TENM2: variants seen among roughly 807,000 people sequenced by gnomAD.
The protein encoded by TENM2 is teneurin-2.
In TENM2, 52 loss-of-function variants were observed where a neutral mutation model predicts 245.2. The ratio of observed to expected loss-of-function variants is 0.21; its 90% CI spans 0.17 to 0.27. The LOEUF is 0.27. TENM2 is among the 10% of genes least tolerant of loss of function. TENM2 has a pLI of 1.00. For synonymous variants in TENM2, 1,363 were observed against 1,438.9 expected, an observed-to-expected ratio of 0.95 and a Z score of 1.19; for missense variants, 3,046 against 3,666.8, an observed-to-expected ratio of 0.83 and a Z score of 4.37.
chr5:168,212,748 G>C (rs536395672), intron 20 of TENM2, among the ~76,000 whole-genome samples: 1 of 152,152 alleles, frequency 6.6e-6, no homozygotes, highest in African/African-American at 2.4e-5. Context: ...AAATGCCCTG[G>C]AAGGACATTT....
chr5:168,117,449 C>T (rs1795163582), intron 9 of TENM2, among the ~76,000 whole-genome samples: 1 of 152,184 alleles, frequency 6.6e-6, no homozygotes, highest in Admixed American at 6.5e-5. Flanking sequence ...ACCATGTTTT[C>T]CCTACACATG....
chr5:167,219,449 A>G, the TENM2 span, among the ~76,000 whole-genome samples: 9 of 152,238 alleles, frequency 5.9e-5, no homozygotes, highest in Non-Finnish European at 1.0e-4. Flanking sequence ...GAGGGTGATC[A>G]GACCAGTGCT....
the TENM2 span, among the ~76,000 whole-genome samples, chr5:167,064,497 G>A: frequency 6.6e-6 from 1 of 152,134 alleles, no homozygotes; most frequent in African/African-American, 2.4e-5. Flanking sequence ...TAAAAATGGA[G>A]TATTTTGGAA....
intron 4 of TENM2, among the ~76,000 whole-genome samples, 175 bp from the exon 7 acceptor site, chr5:167,992,769 A>G (rs759186212): frequency 3.0e-4 from 45 of 152,196 alleles, no homozygotes; most frequent in Non-Finnish European, 5.6e-4. Flanking sequence ...ATGCACATTT[A>G]TGGAATTAAT....
chr5:167,561,670 G>A (rs1773597109), intron 2 of TENM2, among the ~76,000 whole-genome samples: 1 of 152,164 alleles, frequency 6.6e-6, no homozygotes, highest in Non-Finnish European at 1.5e-5. Flanking sequence ...TAAGGGTGAG[G>A]AGGCGAGTGT....
intron 2 of TENM2, among the ~76,000 whole-genome samples, chr5:167,746,395 C>T (rs530472314): frequency 6.6e-6 from 1 of 152,172 alleles, no homozygotes; most frequent in African/African-American, 2.4e-5. Flanking sequence ...ATACATAGAT[C>T]GATGCAAATG....
At chr5:167,453,192 A>G (rs1765715267) in intron 2 of TENM2, among the ~76,000 whole-genome samples, 1 of 151,772 alleles carries the variant, frequency 6.6e-6, no homozygotes, top group Non-Finnish European at 1.5e-5. Context: ...TAACTGAGTA[A>G]AATAGAAAAT....
chr5:168,263,025 G>A (rs145959151), downstream of TENM2: 1,343 of 514,006 alleles, frequency 2.6e-3, 3 homozygotes, highest in Admixed American at 4.4e-3. Context: ...TGAAAATTCC[G>A]AGGAAAACAA....
At chr5:167,544,020 C>A (rs1772388969) in intron 2 of TENM2, among the ~76,000 whole-genome samples, 1 of 152,090 alleles carries the variant, frequency 6.6e-6, no homozygotes, top group Admixed American at 6.6e-5. Context: ...TACTGGGGTC[C>A]AGGACTTCAA....
intron 7 of TENM2, among the ~76,000 whole-genome samples, chr5:168,075,583 T>A (rs57002229): frequency 6.6e-6 from 1 of 152,002 alleles, no homozygotes; most frequent in Non-Finnish European, 1.5e-5. Context: ...CACTGGAGAT[T>A]AGATTTGTCT....
At chr5:167,309,786 A>G (rs1310331760) in intron 1 of TENM2, 1 of 152,170 alleles carries the variant, frequency 6.6e-6, no homozygotes, top group Non-Finnish European at 1.5e-5. Context: ...AAAGAGTCTT[A>G]TTATGCCAAT....
At chr5:167,801,833 T>C (rs1285162176) in intron 2 of TENM2, among the ~76,000 whole-genome samples, 1 of 152,026 alleles carries the variant, frequency 6.6e-6, no homozygotes, top group African/African-American at 2.4e-5. Flanking sequence ...GTAATTCAGT[T>C]GTAAGACCAG....
At chr5:167,933,303 A>G (rs1479604622) in intron 3 of TENM2, among the ~76,000 whole-genome samples, 1 of 152,218 alleles carries the variant, frequency 6.6e-6, no homozygotes, top group Non-Finnish European at 1.5e-5. Flanking sequence ...TTAAACAAAA[A>G]CTTCAGAGAT....
intron 1 of TENM2, among the ~76,000 whole-genome samples, chr5:167,329,991 A>G (rs1252860812): frequency 6.6e-6 from 1 of 152,188 alleles, no homozygotes; most frequent in Non-Finnish European, 1.5e-5. Context: ...TGGCTAAAGC[A>G]TCTAAAACTT....
chr5:167,386,059 G>T (rs1292812786), intron 2 of TENM2, among the ~76,000 whole-genome samples: 1 of 152,044 alleles, frequency 6.6e-6, no homozygotes, highest in Non-Finnish European at 1.5e-5. Flanking sequence ...GAAATTGCTG[G>T]ATCAAATTGT....
At chr5:167,050,767 A>G in the TENM2 span, among the ~76,000 whole-genome samples, 2 of 152,090 alleles carry the variant, frequency 1.3e-5, no homozygotes, top group Non-Finnish European at 2.9e-5. Flanking sequence ...CACTACCCTT[A>G]GTGAGAGTGA....
chr5:167,397,616 G>T (rs1762129951), intron 2 of TENM2, among the ~76,000 whole-genome samples: 1 of 152,132 alleles, frequency 6.6e-6, no homozygotes, highest in South Asian at 2.1e-4. Flanking sequence ...TCATGGAAGA[G>T]ATTGAGAGAA....
exon 12 of TENM2, chr5:168,126,857 C>T: frequency 6.2e-7 from 1 of 1,609,854 alleles, no homozygotes; most frequent in Non-Finnish European, 8.5e-7. Context: ...GCGTGTGCCA[C>T]CCCCGCTGCA....
intron 27 of TENM2, among the ~76,000 whole-genome samples, chr5:168,254,499 A>G (rs867533622): frequency 1.4e-5 from 2 of 140,562 alleles, no homozygotes; most frequent in South Asian, 2.2e-4. Context: ...AGGAAGAGGA[A>G]GAAGGGGAGG....
Sources: gnomAD v4.1 joint callset for allele counts (sites outside exome capture counted in the v4.1 genomes callset) on GRCh38, gnomAD v4.1.1 for gene constraint, MANE v1.5 for transcripts, NCBI Gene and HGNC (gene_info 2026-07-23, HGNC 2026-07-21) for gene names.